Variants in ARIH2 observed in about 807,000 individuals in gnomAD.
ARIH2 encodes the protein E3 ubiquitin-protein ligase ARIH2.
A neutral mutation model predicts 79.8 loss-of-function variants in ARIH2; 12 were observed. That is an observed-to-expected ratio of 0.15 (90% CI 0.10 to 0.24). The LOEUF (loss-of-function observed/expected upper bound fraction) is 0.24, where lower values mean the gene tolerates loss of function less well. Among genes scored for constraint, ARIH2 ranks in the 10% least tolerant of loss-of-function variants. ARIH2 has a pLI of 1.00. For missense variants in ARIH2, 301 were observed against 618.3 expected, an observed-to-expected ratio of 0.49 and a Z score of 5.44; for synonymous variants, 224 against 213.9, an observed-to-expected ratio of 1.05 and a Z score of -0.41.
intron 3 of ARIH2, among the ~76,000 whole-genome samples, chr3:48,953,897 C>T (rs2090283943): frequency 1.3e-5 from 2 of 151,882 alleles, no homozygotes; most frequent in African/African-American, 4.8e-5. Flanking sequence ...GGCGTGGTGG[C>T]TCACACCTGT....
At chr3:48,942,200 G>A (rs114845427) in intron 3 of ARIH2, among the ~76,000 whole-genome samples, 1,826 of 151,968 alleles carry the variant, frequency 0.012, 39 homozygotes, top group African/African-American at 0.042. Context: ...AGAGGTGCCC[G>A]CCACCACGCC....
rs543617355 is a variant in ARIH2, at chr3:48,958,310, G to A, written c.256-3302G>A. Among the ~76,000 whole-genome samples the A allele has an allele frequency of 3.3e-5, 5 of 152,224 alleles. No homozygotes were observed. In the South Asian group the frequency reaches 1.0e-3, roughly 32 times the overall value. ...CATTCCAACCTGGACAACAAAACAAGACCCTGTCTGTAAAAAACAGAACAA... is the reference window on the plus strand; with the variant it reads ...CATTCCAACCTGGACAACAAAACAAAACCCTGTCTGTAAAAAACAGAACAA... On this transcript the variant is annotated intron_variant, in intron 3 of 15. Transcript: ENST00000356401.
rs554254691 is a variant in ARIH2, at chr3:48,958,582, C to T, written c.256-3030C>T. On this transcript the variant is annotated intron_variant, in intron 3 of 15. Transcript: ENST00000356401. ...AAAATTAGCTGGGCGTGGTGGCGGG[C>T]GCCTGTAATCCCAGCTACTTGGGAG... Among the ~76,000 whole-genome samples, 435 of 151,978 alleles carry T rather than the reference C, an allele frequency of 2.9e-3. 5 individuals are homozygous for T. The highest frequency in any genetic ancestry group is 9.9e-3 in the African/African-American group (412 of 41,434).
intron 3 of ARIH2, among the ~76,000 whole-genome samples, chr3:48,959,315 C>G (rs1291771371): frequency 1.2e-5 from 1 of 82,790 alleles, no homozygotes; most frequent in Non-Finnish European, 2.6e-5. Context: ...GACTCCATCT[C>G]AAAAAAAAAA....
At chr3:48,949,801 C>T (rs2089716800) in intron 3 of ARIH2, among the ~76,000 whole-genome samples, 1 of 151,928 alleles carries the variant, frequency 6.6e-6, no homozygotes, top group South Asian at 2.1e-4. Flanking sequence ...TATTTTCTCC[C>T]ATCCTGTTAC....
intron 3 of ARIH2, among the ~76,000 whole-genome samples, chr3:48,929,190 G>A (rs961014916): frequency 2.0e-5 from 3 of 152,086 alleles, no homozygotes; most frequent in Non-Finnish European, 4.4e-5. Flanking sequence ...CCATGCTCTG[G>A]ACAGTGTCAG....
chr3:48,973,828 AT>A lies in ARIH2; in HGVS notation c.888+16del. 2 of 1,590,832 alleles carry A rather than the reference AT, an allele frequency of 1.3e-6. No individual in the cohort carries two copies. The highest frequency in any genetic ancestry group is 1.1e-5 in the South Asian group (1 of 90,594). ...CTCACACTAAAGACGTAAGGACCGT[AT>A]TTTACCTCTCATGGATTTGCCCTCC... On this transcript the variant is annotated intron_variant, in intron 9 of 15. Transcript: ENST00000356401.
chr3:48,957,731 G>A (rs2090756585), intron 3 of ARIH2, among the ~76,000 whole-genome samples: 2 of 152,038 alleles, frequency 1.3e-5, no homozygotes, highest in East Asian at 3.9e-4. Context: ...GTTTGTTTTT[G>A]AGACAGAGTC....
At chr3:48,959,240 C>T (rs1470084967) in intron 3 of ARIH2, among the ~76,000 whole-genome samples, 8 of 149,488 alleles carry the variant, frequency 5.4e-5, no homozygotes, top group South Asian at 2.1e-4. Flanking sequence ...GGCGTGAACC[C>T]GGGAGGTGGA....
At chr3:48,919,110 G>C (rs2084341351) in intron 1 of ARIH2, 112 bp downstream of exon 1, 8 of 1,283,004 alleles carry the variant, frequency 6.2e-6, no homozygotes, top group Admixed American at 3.9e-5. Context: ...TCGCCCGGGA[G>C]GCCCGGGCGC....
At chr3:48,945,481 A>G (rs1363828272) in intron 3 of ARIH2, among the ~76,000 whole-genome samples, 1 of 152,206 alleles carries the variant, frequency 6.6e-6, no homozygotes, top group Non-Finnish European at 1.5e-5. Flanking sequence ...TGGGGTGTCA[A>G]ATAATAACTG....
intron 3 of ARIH2, chr3:48,945,050 C>A: frequency 8.9e-7 from 1 of 1,119,436 alleles, no homozygotes; most frequent in Non-Finnish European, 1.2e-6. Flanking sequence ...GCATGAAGAC[C>A]CATTCATGTA....
Position 48,949,736 on chromosome 3 carries a change from AAG to A in ARIH2, c.256-11870_256-11869del, listed in dbSNP as rs199817615. Among the ~76,000 whole-genome samples the A allele has an allele frequency of 7.8e-3, 1,191 of 152,212 alleles. 11 individuals carry two copies. The highest frequency in any genetic ancestry group is 0.027 in the African/African-American group (1,134 of 41,544). ...TGCATTTTGTGCCTTACTGAGTTCT[AAG>A]AGAGAATTCTTTACATAGTTTGAAT... On this transcript the variant is annotated intron_variant, in intron 3 of 15. Transcript: ENST00000356401.
chr3:48,949,921 C>A (rs2089732864), intron 3 of ARIH2, among the ~76,000 whole-genome samples: 1 of 151,042 alleles, frequency 6.6e-6, no homozygotes, highest in Non-Finnish European at 1.5e-5. Flanking sequence ...TTGATGAAGT[C>A]CAGTTTATCT....
rs1271210827 is a variant in ARIH2 at position 48,931,919 on chromosome 3, G to T, written c.255+4106G>T. Among the ~76,000 whole-genome samples, 3 of 152,198 alleles carry T rather than the reference G, an allele frequency of 2.0e-5. 1 individual carries two copies. The highest frequency in any genetic ancestry group is 2.9e-5 in the Non-Finnish European group (2 of 68,036). Reference sequence around the variant, plus strand: ...AGCTACTCAGGAGGCTGAGGCAGGAGAATGGCGTGAACCCAGGAGGCGGAG... The same window carrying T: ...AGCTACTCAGGAGGCTGAGGCAGGATAATGGCGTGAACCCAGGAGGCGGAG... On this transcript the variant is annotated intron_variant, in intron 3 of 15. Transcript: ENST00000356401.
intron 3 of ARIH2, among the ~76,000 whole-genome samples, chr3:48,942,217 A>G (rs567539819): frequency 2.0e-5 from 3 of 151,850 alleles, no homozygotes; most frequent in Admixed American, 6.6e-5. Context: ...CGCCCAGGTA[A>G]TTTTTGTATT....
chr3:48,934,438 G>A (rs1224051777), intron 3 of ARIH2: 29 of 984,656 alleles, frequency 2.9e-5, no homozygotes, highest in Non-Finnish European at 3.5e-5. Flanking sequence ...TGTTGTTGTT[G>A]TTATTATTGT....
At chr3:48,926,035 C>T (rs1559710771) in intron 2 of ARIH2, among the ~76,000 whole-genome samples, 2 of 151,772 alleles carry the variant, frequency 1.3e-5, no homozygotes, top group African/African-American at 2.4e-5. Context: ...AGATTTAAAT[C>T]GCTAGTTGAT....
At chr3:48,948,090 A>G (rs1356514820) in intron 3 of ARIH2, among the ~76,000 whole-genome samples, 1 of 151,846 alleles carries the variant, frequency 6.6e-6, no homozygotes, top group Non-Finnish European at 1.5e-5. Flanking sequence ...CCTCCTGAGT[A>G]GCTGGGACTA....
Sources: gnomAD v4.1 joint callset for allele counts (sites outside exome capture counted in the v4.1 genomes callset) on GRCh38, gnomAD v4.1.1 for gene constraint, MANE v1.5 for transcripts, NCBI Gene and HGNC (gene_info 2026-07-23, HGNC 2026-07-21) for gene names.